FAM185A: variants seen among roughly 807,000 people sequenced by gnomAD.
FAM185A encodes the protein protein FAM185A.
FAM185A carries 21 observed loss-of-function variants against 45.7 expected under a neutral mutation model. That is an observed-to-expected ratio of 0.46 (90% CI 0.33 to 0.66). FAM185A has a LOEUF of 0.66. FAM185A is among the 30% of genes least tolerant of loss of function. FAM185A has a pLI of 0.03. For missense variants in FAM185A, 305 were observed against 485.4 expected (o/e 0.63, Z 3.49); for synonymous variants, 117 against 194.0 (o/e 0.60, Z 3.30).
At chr7:102,837,420 C>A in the FAM185A span, among the ~76,000 whole-genome samples, 1 of 152,216 alleles carries the variant, frequency 6.6e-6, no homozygotes, top group Non-Finnish European at 1.5e-5. Context: ...TCCAAAGACA[C>A]TTTCATGATG....
intron 7 of FAM185A, among the ~76,000 whole-genome samples, chr7:102,788,984 G>A (rs1423237731): frequency 6.6e-6 from 1 of 152,220 alleles, no homozygotes; most frequent in Non-Finnish European, 1.5e-5. Flanking sequence ...TGCTCTGAGT[G>A]AGTCAGTATG....
the FAM185A span, among the ~76,000 whole-genome samples, chr7:102,839,685 A>T: frequency 1.3e-5 from 2 of 152,148 alleles, no homozygotes; most frequent in African/African-American, 2.4e-5. Flanking sequence ...GACCTCAGGG[A>T]TCCGCCTGCC....
chr7:102,764,273 C>T (rs547648356), intron 4 of FAM185A, among the ~76,000 whole-genome samples: 2 of 149,058 alleles, frequency 1.3e-5, no homozygotes, highest in Non-Finnish European at 3.0e-5. Context: ...ATGGACACAC[C>T]CCAGTGCCTC....
chr7:102,790,245 A>G (rs183010446), intron 7 of FAM185A, among the ~76,000 whole-genome samples: 1 of 152,374 alleles, frequency 6.6e-6, no homozygotes, highest in African/African-American at 2.4e-5. Context: ...TGTTTACACC[A>G]GCATCACCAC....
chr7:102,833,471 GC>G, the FAM185A span, among the ~76,000 whole-genome samples: 247 of 125,620 alleles, frequency 2.0e-3, 1 homozygote, highest in African/African-American at 7.0e-3. Flanking sequence ...TTCCTCTGTT[GC>G]CCAGGCTTGG....
the FAM185A span, among the ~76,000 whole-genome samples, chr7:102,841,201 A>C: frequency 6.6e-6 from 1 of 152,136 alleles, no homozygotes; most frequent in South Asian, 2.1e-4. Context: ...AAACATTCTG[A>C]TGTTTATTTT....
rs547160461 is a variant in FAM185A, at chr7:102,778,772, C to T, written c.931+1424C>T. Among the ~76,000 whole-genome samples, 26 of 152,284 alleles carry T rather than the reference C, an allele frequency of 1.7e-4. No homozygotes were observed. The East Asian group carries it at 4.8e-3, about 28-fold the overall frequency. On this transcript the variant is annotated intron_variant, in intron 6 of 7. Coordinates refer to ENST00000413034, the MANE Select transcript of FAM185A (RefSeq NM_001145268.2). Reference sequence around the variant, plus strand: ...GAAAACAAAGATTTCTGTCTTACTTCAGATCTCCGAATTCTCAATACACTT... The same window carrying T: ...GAAAACAAAGATTTCTGTCTTACTTTAGATCTCCGAATTCTCAATACACTT...
At chr7:102,752,872 C>G (rs1451352738) in intron 2 of FAM185A, among the ~76,000 whole-genome samples, 2 of 147,810 alleles carry the variant, frequency 1.4e-5, no homozygotes, top group Non-Finnish European at 3.0e-5. Flanking sequence ...TGAAAGCATG[C>G]AATTTTGTTG....
the FAM185A span, among the ~76,000 whole-genome samples, chr7:102,825,446 G>A: frequency 6.6e-6 from 1 of 152,186 alleles, no homozygotes; most frequent in South Asian, 2.1e-4. Flanking sequence ...CCAGCAAGAA[G>A]GTTCTCCACC....
chr7:102,773,546 A>G (rs1221998839), intron 5 of FAM185A, among the ~76,000 whole-genome samples: 2 of 152,072 alleles, frequency 1.3e-5, no homozygotes, highest in Non-Finnish European at 2.9e-5. Context: ...ATGGATGTAT[A>G]TATATTTTTC....
intron 4 of FAM185A, among the ~76,000 whole-genome samples, chr7:102,767,041 A>G (rs998142215): frequency 1.8e-4 from 27 of 151,686 alleles, no homozygotes; most frequent in African/African-American, 6.0e-4. Flanking sequence ...GGTGATCCGC[A>G]CGCCTCGGCC....
At chr7:102,822,110 G>A in the FAM185A span, 332 of 1,614,206 alleles carry the variant, frequency 2.1e-4, 3 homozygotes, top group South Asian at 3.6e-3. Context: ...AGGTCCTCAA[G>A]GATTTGGTCA....
In FAM185A at chr7:102,809,170, C is replaced by A. The variant is rs1272352838; in HGVS notation, c.*768C>A. The stretch of plus-strand genomic sequence containing the variant: ...ACATGACAGGTTTTCTACTTAGTAC[C>A]TTTTATGGCATCAATGTAAATTTAA... On this transcript the variant is annotated 3_prime_UTR_variant, in exon 8 of 8. Transcript: ENST00000413034. 6.6e-6 allele frequency: 1 copy of A among 152,100 alleles called. No homozygotes were observed. Among genetic ancestry groups the A allele is most frequent in the Non-Finnish European group, 1.5e-5 (1 of 68,000 alleles). The allele number at this position is 152,100 out of a possible 1,614,324, so 9.4% of individuals were successfully genotyped here.
intron 7 of FAM185A, among the ~76,000 whole-genome samples, chr7:102,799,648 G>C (rs981571293): frequency 5.9e-5 from 9 of 152,158 alleles, no homozygotes; most frequent in African/African-American, 2.2e-4. Flanking sequence ...TTTTGTTATT[G>C]AACCAAACGG....
chr7:102,821,419 G>A, the FAM185A span, among the ~76,000 whole-genome samples: 1 of 152,062 alleles, frequency 6.6e-6, no homozygotes, highest in Non-Finnish European at 1.5e-5. Context: ...TCTTCCTCAG[G>A]CCTCAAGAAA....
intron 7 of FAM185A, among the ~76,000 whole-genome samples, chr7:102,791,849 C>T (rs971048620): frequency 6.6e-6 from 1 of 151,876 alleles, no homozygotes; most frequent in African/African-American, 2.4e-5. Flanking sequence ...CAGTCAGCCA[C>T]AGGCCTTATG....
At chr7:102,817,627 T>A in the FAM185A span, among the ~76,000 whole-genome samples, 2 of 152,210 alleles carry the variant, frequency 1.3e-5, no homozygotes, top group Non-Finnish European at 2.9e-5. Flanking sequence ...AAGTTAAAAA[T>A]GTAGAAACTA....
At chr7:102,784,615 C>T (rs1228618842) in intron 6 of FAM185A, among the ~76,000 whole-genome samples, 1 of 151,894 alleles carries the variant, frequency 6.6e-6, no homozygotes, top group Non-Finnish European at 1.5e-5. Flanking sequence ...CAGAAAAGGC[C>T]TTGACAAAAT....
At chr7:102,833,571 C>T in the FAM185A span, among the ~76,000 whole-genome samples, 1 of 150,348 alleles carries the variant, frequency 6.7e-6, no homozygotes, top group Non-Finnish European at 1.5e-5. Context: ...GGACTACAGG[C>T]GTGCACCACC....
Sources: gnomAD v4.1 joint callset for allele counts (sites outside exome capture counted in the v4.1 genomes callset) on GRCh38, gnomAD v4.1.1 for gene constraint, MANE v1.5 for transcripts, NCBI Gene and HGNC (gene_info 2026-07-23, HGNC 2026-07-21) for gene names.